Variants in PTPRD observed in about 807,000 individuals in gnomAD.
PTPRD encodes the protein protein tyrosine phosphatase receptor type D.
Under a neutral mutation model 214.5 loss-of-function variants are expected in PTPRD, and 34 were observed. The observed-to-expected ratio is 0.16, with a 90% CI of 0.12 to 0.21. The LOEUF is 0.21. PTPRD is among the 10% of genes least tolerant of loss of function. PTPRD has a pLI of 1.00. For synonymous variants in PTPRD, 1,128 were observed against 845.7 expected (o/e 1.33, Z -5.79); for missense variants, 2,545 against 2,398.7 (o/e 1.06, Z -1.27).
chr9:9,206,418 A>T (rs1233641749), intron 9 of PTPRD, among the ~76,000 whole-genome samples: 1 of 152,146 alleles, frequency 6.6e-6, no homozygotes, highest in African/African-American at 2.4e-5. Context: ...GAGGCAAGAG[A>T]AATCAGTTAG....
At position 9,649,164 on chromosome 9, in the gene PTPRD, A is replaced by G. The variant is rs138678839; in HGVS notation, c.-286-74383T>C. Among the ~76,000 whole-genome samples, 975 of 152,284 alleles carry G rather than the reference A, an allele frequency of 6.4e-3. 8 individuals carry two copies. The highest frequency in any genetic ancestry group is 0.023 in the African/African-American group (942 of 41,554). On this transcript the variant is annotated intron_variant, in intron 7 of 45. Transcript: ENST00000381196. ...ACCATATATCATGTAGCCATATATC[A>G]GTAATTTTCTAGGAGGCTCCTCATT...
At chr9:10,010,818 T>C (rs2096583122) in intron 4 of PTPRD, among the ~76,000 whole-genome samples, 1 of 152,016 alleles carries the variant, frequency 6.6e-6, no homozygotes, top group Non-Finnish European at 1.5e-5. Context: ...TTAACACTAA[T>C]AACATTTTTC....
chr9:9,998,129 A>AATAT (rs1555449231), intron 4 of PTPRD, among the ~76,000 whole-genome samples: 1,727 of 91,426 alleles, frequency 0.019, 50 homozygotes, highest in South Asian at 0.067. Context: ...AAAAAAAAAA[A>AATAT]ATATATATAT....
intron 12 of PTPRD, among the ~76,000 whole-genome samples, chr9:8,728,591 T>G (rs187353668): frequency 6.6e-6 from 1 of 152,382 alleles, no homozygotes; most frequent in Admixed American, 6.5e-5. Context: ...AAAGTTATCC[T>G]TTCCTTTCCT....
chr9:9,538,966 G>A (rs551549900), intron 8 of PTPRD, among the ~76,000 whole-genome samples: 2 of 151,608 alleles, frequency 1.3e-5, no homozygotes, highest in Non-Finnish European at 2.9e-5. Context: ...CACTTTTCTA[G>A]GCTCTGATGA....
intron 11 of PTPRD, among the ~76,000 whole-genome samples, chr9:8,844,064 A>G (rs1032300546): frequency 7.2e-5 from 11 of 152,198 alleles, no homozygotes; most frequent in African/African-American, 2.7e-4. Flanking sequence ...TCTCATCCAG[A>G]CGTATGGAAA....
intron 8 of PTPRD, among the ~76,000 whole-genome samples, chr9:9,422,176 T>C (rs1324038017): frequency 6.6e-6 from 1 of 152,122 alleles, no homozygotes; most frequent in East Asian, 1.9e-4. Context: ...ATATGTGAGA[T>C]AAGTACAATT....
chr9:10,189,387 A>C (rs1189910694), intron 3 of PTPRD, among the ~76,000 whole-genome samples: 1 of 152,156 alleles, frequency 6.6e-6, no homozygotes, highest in Non-Finnish European at 1.5e-5. Flanking sequence ...AATTCCTTAC[A>C]CGGGGCTATC....
chr9:10,313,418 A>ACACACACACACACAC (rs1565224183), intron 3 of PTPRD, among the ~76,000 whole-genome samples: 3 of 151,640 alleles, frequency 2.0e-5, no homozygotes, highest in South Asian at 2.1e-4. Context: ...ACACACACAC[A>ACACACACACACACAC]AATTTTTAAA....
intron 12 of PTPRD, among the ~76,000 whole-genome samples, chr9:8,679,948 G>C (rs1173253821): frequency 1.3e-5 from 2 of 152,102 alleles, no homozygotes; most frequent in East Asian, 1.9e-4. Context: ...ATGTCTACTA[G>C]AGAAAAGATC....
At chr9:8,827,375 G>A (rs1325388618) in intron 11 of PTPRD, among the ~76,000 whole-genome samples, 2 of 152,206 alleles carry the variant, frequency 1.3e-5, no homozygotes, top group Non-Finnish European at 2.9e-5. Flanking sequence ...GGGAGGCCAA[G>A]GTGGGTGGAT....
At chr9:10,178,394 G>A (rs1221182770) in intron 3 of PTPRD, among the ~76,000 whole-genome samples, 1 of 151,772 alleles carries the variant, frequency 6.6e-6, no homozygotes, top group Non-Finnish European at 1.5e-5. Flanking sequence ...AGCTTCTGAG[G>A]GATATGAGCA....
intron 5 of PTPRD, among the ~76,000 whole-genome samples, chr9:9,878,846 AAG>A (rs2067705351): frequency 6.6e-6 from 1 of 152,146 alleles, no homozygotes; most frequent in African/African-American, 2.4e-5. Flanking sequence ...GATGAAGAGG[AAG>A]AACCATTTTT....
intron 4 of PTPRD, among the ~76,000 whole-genome samples, chr9:10,011,371 C>G (rs1016686475): frequency 5.3e-5 from 8 of 152,006 alleles, no homozygotes; most frequent in African/African-American, 1.9e-4. Context: ...AAAGAGATAT[C>G]AAGAAGCTGG....
chr9:9,320,031 A>G (rs1439246684), intron 9 of PTPRD, among the ~76,000 whole-genome samples: 2 of 152,186 alleles, frequency 1.3e-5, no homozygotes, highest in Non-Finnish European at 2.9e-5. Flanking sequence ...GTTCATCACT[A>G]ATGTTTGAAA....
rs114346215 is a variant in PTPRD at position 8,925,647 on chromosome 9, G to A, written c.-104+93050C>T. 6.0e-3 allele frequency among the ~76,000 whole-genome samples: 753 copies of A among 126,062 alleles called. 7 individuals are homozygous for A. The highest frequency in any genetic ancestry group is 0.022 in the African/African-American group (722 of 32,572). 82.7% of individuals were successfully genotyped at this position (126,062 alleles called of 152,430 possible). A position where few individuals can be genotyped will look rare whatever the true frequency, so the allele number is the denominator to read the frequency against. ...GAGATCCTCAAAAGACTACATCAACGTGATATAAATAGTCTAAGCCAGTAT... is the reference window on the plus strand; with the variant it reads ...GAGATCCTCAAAAGACTACATCAACATGATATAAATAGTCTAAGCCAGTAT... On this transcript the variant is annotated intron_variant, in intron 11 of 45. Transcript: ENST00000381196.
At chr9:9,810,857 T>C (rs1445502144) in intron 5 of PTPRD, among the ~76,000 whole-genome samples, 1 of 151,444 alleles carries the variant, frequency 6.6e-6, no homozygotes, top group East Asian at 1.9e-4. Context: ...GCAAAGTAAA[T>C]CAAACACCAT....
intron 9 of PTPRD, among the ~76,000 whole-genome samples, chr9:9,343,422 T>C (rs949866822): frequency 2.6e-5 from 4 of 152,196 alleles, no homozygotes; most frequent in Non-Finnish European, 5.9e-5. Context: ...CCATTCTAAC[T>C]GGTGTGAGTG....
At chr9:10,371,323 A>G (rs1020653281) in intron 2 of PTPRD, among the ~76,000 whole-genome samples, 1 of 152,076 alleles carries the variant, frequency 6.6e-6, no homozygotes, top group African/African-American at 2.4e-5. Flanking sequence ...TTATGCTACT[A>G]TCGTTGGCTA....
Sources: gnomAD v4.1 joint callset for allele counts (sites outside exome capture counted in the v4.1 genomes callset) on GRCh38, gnomAD v4.1.1 for gene constraint, MANE v1.5 for transcripts, NCBI Gene and HGNC (gene_info 2026-07-23, HGNC 2026-07-21) for gene names.